The following NTRK2 variants were observed in gnomAD, a reference collection of about 807,000 sequenced individuals.
NTRK2 encodes neurotrophic receptor tyrosine kinase 2.
In NTRK2, 13 loss-of-function variants were observed where a neutral mutation model predicts 94.5. The observed-to-expected ratio is 0.14, with a 90% confidence interval of 0.09 to 0.22. The LOEUF is 0.22. NTRK2 is among the 10% of genes least tolerant of loss of function. The probability of loss-of-function intolerance (pLI) is 1.00; values close to 1 mark genes in which losing one functional copy is unlikely to be tolerated. For synonymous variants in NTRK2, 372 were observed against 407.4 expected (o/e 0.91, Z 1.05); for missense variants, 639 against 1,071.2 (o/e 0.60, Z 5.63).
intron 12 of NTRK2, among the ~76,000 whole-genome samples, chr9:84,850,677 T>A (rs2074720755): frequency 6.6e-6 from 1 of 152,226 alleles, no homozygotes; most frequent in South Asian, 2.1e-4. Context: ...ATGGAGGTTA[T>A]GTCAGGAAAT....
intron 12 of NTRK2, chr9:84,812,903 G>A (rs200170790): frequency 4.5e-5 from 46 of 1,033,604 alleles, no homozygotes; most frequent in Non-Finnish European, 5.1e-5. Flanking sequence ...AGGGAATGAT[G>A]AAAACAGCAG....
intron 9 of NTRK2, among the ~76,000 whole-genome samples, chr9:84,737,043 G>C (rs1350043387): frequency 6.6e-6 from 1 of 152,188 alleles, no homozygotes; most frequent in Non-Finnish European, 1.5e-5. Context: ...GGAATTCTTT[G>C]AAATATTTTT....
chr9:84,720,520 G>A (rs536456243), intron 6 of NTRK2, among the ~76,000 whole-genome samples: 1 of 152,186 alleles, frequency 6.6e-6, no homozygotes, highest in Admixed American at 6.5e-5. Flanking sequence ...CTAGTAAATT[G>A]GCCAATAATA....
Position 84,901,199 on chromosome 9 carries a change from GTTTTGTTTTA to G in NTRK2, c.1634-32958_1634-32949del, listed in dbSNP as rs1466620205. On this transcript the variant is annotated intron_variant, in intron 14 of 18. Coordinates refer to ENST00000277120, the MANE Select transcript of NTRK2 (RefSeq NM_006180.6). The stretch of plus-strand genomic sequence containing the variant: ...ATTTTATTTTGTTTTGTTTTGTTTT[GTTTTGTTTTA>G]TTTTATTTTATTTTATTTTATTTTA... Among the ~76,000 whole-genome samples the G allele has an allele frequency of 1.1e-3, 147 of 131,644 alleles. 2 individuals are homozygous for G. Among genetic ancestry groups the G allele is most frequent in the East Asian group, 3.8e-3 (17 of 4,442 alleles). 86.4% of individuals were successfully genotyped at this position (131,644 alleles called of 152,430 possible).
At chr9:84,697,813 A>G (rs1201512623) in intron 2 of NTRK2, among the ~76,000 whole-genome samples, 1 of 152,180 alleles carries the variant, frequency 6.6e-6, no homozygotes, top group Non-Finnish European at 1.5e-5. Context: ...CAGGGAACCA[A>G]GAACTTGAGC....
chr9:84,939,903 A>G (rs2078347247), intron 15 of NTRK2, among the ~76,000 whole-genome samples: 1 of 151,966 alleles, frequency 6.6e-6, no homozygotes, highest in Non-Finnish European at 1.5e-5. Flanking sequence ...TTATTTCCAC[A>G]TTTTGCTAAA....
At chr9:84,714,593 T>G (rs2061601292) in intron 6 of NTRK2, among the ~76,000 whole-genome samples, 1 of 152,214 alleles carries the variant, frequency 6.6e-6, no homozygotes, top group South Asian at 2.1e-4. Flanking sequence ...CAGGAGAAGT[T>G]ATAATCTAGA....
chr9:84,982,685 C>T (rs1827783539), intron 17 of NTRK2, among the ~76,000 whole-genome samples: 1 of 152,174 alleles, frequency 6.6e-6, no homozygotes, highest in Non-Finnish European at 1.5e-5. Context: ...TGTACACATT[C>T]CATATAATAT....
At chr9:84,924,485 C>T (rs1332413994) in intron 14 of NTRK2, among the ~76,000 whole-genome samples, 1 of 152,102 alleles carries the variant, frequency 6.6e-6, no homozygotes, top group Non-Finnish European at 1.5e-5. Flanking sequence ...ACAAACATTG[C>T]CGGGACTGAC....
intron 12 of NTRK2, among the ~76,000 whole-genome samples, chr9:84,759,817 AT>A (rs1215972359): frequency 1.3e-5 from 2 of 151,646 alleles, no homozygotes; most frequent in Non-Finnish European, 2.9e-5. Flanking sequence ...CTAATTTTAT[AT>A]TTTTTCCTCT....
At chr9:84,848,049 C>T (rs570622046) in intron 12 of NTRK2, among the ~76,000 whole-genome samples, 10 of 150,180 alleles carry the variant, frequency 6.7e-5, no homozygotes, top group Non-Finnish European at 1.2e-4. Context: ...CCTCACATGG[C>T]CTTTTCTCTG....
chr9:84,916,335 T>C (rs138514702), intron 14 of NTRK2, among the ~76,000 whole-genome samples: 162 of 152,144 alleles, frequency 1.1e-3, no homozygotes, highest in African/African-American at 3.7e-3. Flanking sequence ...TAAAATATAG[T>C]TTAGGAAACT....
chr9:84,918,712 TGTTGC>T (rs1186098503), intron 14 of NTRK2, among the ~76,000 whole-genome samples: 1 of 152,226 alleles, frequency 6.6e-6, no homozygotes, highest in Non-Finnish European at 1.5e-5. Flanking sequence ...CTGAGAGTCA[TGTTGC>T]GTATGGTAGC....
chr9:84,827,054 C>T (rs1346209694), intron 12 of NTRK2, among the ~76,000 whole-genome samples: 1 of 152,094 alleles, frequency 6.6e-6, no homozygotes, highest in Non-Finnish European at 1.5e-5. Context: ...AAAGGAAGCT[C>T]CTATTTTAGA....
chr9:84,808,348 C>T (rs1485918462), intron 12 of NTRK2, among the ~76,000 whole-genome samples: 1 of 152,182 alleles, frequency 6.6e-6, no homozygotes, highest in Non-Finnish European at 1.5e-5. Flanking sequence ...CTTGGAGTTC[C>T]TGTGCCATAA....
intron 12 of NTRK2, among the ~76,000 whole-genome samples, chr9:84,783,020 AG>A (rs1458866705): frequency 6.6e-6 from 1 of 152,212 alleles, no homozygotes; most frequent in Non-Finnish European, 1.5e-5. Context: ...TGAAGCTTCC[AG>A]TAGATATTCC....
intron 9 of NTRK2, among the ~76,000 whole-genome samples, chr9:84,730,198 A>G (rs911371482): frequency 6.6e-6 from 1 of 152,154 alleles, no homozygotes; most frequent in Non-Finnish European, 1.5e-5. Flanking sequence ...TGTTCTCTTT[A>G]AGTATTTACT....
chr9:84,886,480 A>G (rs1262364306), intron 14 of NTRK2, among the ~76,000 whole-genome samples: 2 of 152,162 alleles, frequency 1.3e-5, no homozygotes, highest in Non-Finnish European at 2.9e-5. Flanking sequence ...TTATCACCGA[A>G]GCTCAGGGCC....
intron 17 of NTRK2, among the ~76,000 whole-genome samples, chr9:84,959,035 C>T (rs1223665991): frequency 1.3e-5 from 2 of 152,156 alleles, no homozygotes; most frequent in South Asian, 4.2e-4. Flanking sequence ...GAACCCATCC[C>T]CTTCACGGTG....
Sources: gnomAD v4.1 joint callset for allele counts (sites outside exome capture counted in the v4.1 genomes callset) on GRCh38, gnomAD v4.1.1 for gene constraint, MANE v1.5 for transcripts, NCBI Gene and HGNC (gene_info 2026-07-23, HGNC 2026-07-21) for gene names.